The following PIK3CG variants were observed in gnomAD, a reference collection of about 807,000 sequenced individuals.
PIK3CG encodes phosphatidylinositol-4,5-bisphosphate 3-kinase catalytic subunit gamma, also known as phosphatidylinositol 4,5-bisphosphate 3-kinase catalytic subunit gamma isoform.
PIK3CG carries 55 observed loss-of-function variants against 102.3 expected under a neutral mutation model. The observed-to-expected ratio is 0.54, with a 90% CI of 0.43 to 0.67. PIK3CG has a LOEUF of 0.67. Among genes scored for constraint, PIK3CG ranks in the 30% least tolerant of loss-of-function variants. The pLI is 0.00. For synonymous variants in PIK3CG, 552 were observed against 540.0 expected (o/e 1.02, Z -0.31); for missense variants, 1,258 against 1,391.8 (o/e 0.90, Z 1.53).
chr7:106,907,626 GA>G lies in PIK3CG; in HGVS notation c.*2246del, dbSNP rs1377557048. On this transcript the variant is annotated 3_prime_UTR_variant, in exon 11 of 11. Transcript: ENST00000496166. ...ATTGCTGAAATAATTTATTGATGAT[GA>G]AAAAAAGATTAGAGAGGAATACATT... is the stretch of plus-strand genomic sequence containing the variant. 2.3e-4 allele frequency among the ~76,000 whole-genome samples: 34 copies of G among 150,534 alleles called. No individual in the cohort carries two copies. Among genetic ancestry groups the G allele is most frequent in the Admixed American group, 1.9e-3 (29 of 14,978 alleles).
rs1417406890 is a variant in PIK3CG, at chr7:106,879,528, T to C, written c.2401T>C (p.Cys801Arg). The C allele has an allele frequency of 6.2e-7, 1 of 1,613,368 alleles. No homozygotes were observed. The highest frequency in any genetic ancestry group is 1.7e-5 in the Admixed American group (1 of 59,960). ...GACTGCTTCCTTACAGATTGAAAAA[T>C]GTAAAGTAATGGCCTCCAAGAAAAA... Reference protein sequence around the residue: ...LKAGALAIEKCKVMASKKKPL... With the variant: ...LKAGALAIEKRKVMASKKKPL... The change falls in exon 6 of 11, where the codon TGT becomes CGT. Residue 801 changes from cysteine (C) to arginine (R), a missense_variant. Physicochemically the swap from Cys to Arg is radical, Grantham distance 180. Coordinates refer to ENST00000496166, the MANE Select transcript of PIK3CG (RefSeq NM_001282426.2). This position sits in a 1 kb window ranked among gnomAD's most constrained non-coding sequence, Gnocchi z 4.9.
rs1382624271 is a variant in PIK3CG, at chr7:106,879,887, C to T, written c.2538+222C>T. Among the ~76,000 whole-genome samples, 3 of 152,172 alleles carry T rather than the reference C, an allele frequency of 2.0e-5. No individual in the cohort carries two copies. The East Asian group carries it at 5.8e-4, about 29-fold the overall frequency. ...GGTTCTGTCCAAGTTGCATATCTAA[C>T]ACTCCCAAGTAGCCAGATATACCTC... is the stretch of plus-strand genomic sequence containing the variant. On this transcript the variant is annotated intron_variant, in intron 6 of 10. Coordinates refer to ENST00000496166, the MANE Select transcript of PIK3CG (RefSeq NM_001282426.2). The surrounding 1 kb of genome is among the most constrained non-coding windows in gnomAD (Gnocchi z 4.9).
intron 2 of PIK3CG, among the ~76,000 whole-genome samples, chr7:106,871,820 C>A (rs1397354992): frequency 6.6e-6 from 1 of 152,138 alleles, no homozygotes; most frequent in Non-Finnish European, 1.5e-5. Context: ...TGTACTAAGT[C>A]AATATTCTCT....
chr7:106,905,982 A>C lies in PIK3CG; in HGVS notation c.*595A>C, dbSNP rs777237739. The C allele has an allele frequency of 3.1e-5, 7 of 228,280 alleles. No homozygotes were observed. The highest frequency in any genetic ancestry group is 6.1e-5 in the Non-Finnish European group (7 of 115,296). 14.1% of individuals were successfully genotyped at this position (228,280 alleles called of 1,614,324 possible). On this transcript the variant is annotated 3_prime_UTR_variant, in exon 11 of 11. Transcript: ENST00000496166. The surrounding 1 kb of genome is among the most constrained non-coding windows in gnomAD (Gnocchi z 5.6). ...CTGAGACACACAAACACAGCAGGAG[A>C]AATCTAAACCGTTGTGCCTTGACCT... is the stretch of plus-strand genomic sequence containing the variant.
At chr7:106,886,021 T>C (rs758412284) in intron 9 of PIK3CG, 114 bp from the exon 10 acceptor site, 8 of 900,962 alleles carry the variant, frequency 8.9e-6, no homozygotes, top group Admixed American at 2.5e-5. Flanking sequence ...CTGACAAACA[T>C]TGTAAAAAAT....
At chr7:106,870,771 C>T (rs535887365) in intron 2 of PIK3CG, among the ~76,000 whole-genome samples, 8 of 152,310 alleles carry the variant, frequency 5.3e-5, no homozygotes, top group African/African-American at 1.9e-4. Flanking sequence ...ATAGCCTCAA[C>T]TTAAACTCTC....
At position 106,869,462 on chromosome 7, in the gene PIK3CG, A is replaced by C. The variant is rs370109310; in HGVS notation, c.1901A>C (p.Asn634Thr). The C allele has an allele frequency of 6.2e-7, 1 of 1,614,230 alleles. No homozygotes were observed. The highest frequency in any genetic ancestry group is 2.2e-5 in the East Asian group (1 of 44,890). The change falls in exon 2 of 11, where the codon AAC (asparagine) becomes ACC (threonine). Residue 634 changes from asparagine to threonine, a missense_variant. By Grantham distance (65) the Asn-to-Thr change is moderately conservative. Transcript: ENST00000496166. This position sits in a 1 kb window ranked among gnomAD's most constrained non-coding sequence, Gnocchi z 5.3. The part of the protein sequence containing the change: ...VGLTMQLLDC[N>T]FSDENVRAIA... ...TTAACAATGCAGCTCCTGGACTGCA[A>C]CTTCTCAGATGAAAATGTAAGAGCC...
At position 106,895,101 on chromosome 7, in the gene PIK3CG, G is replaced by T. The variant is rs1470514643; in HGVS notation, c.3030+8809G>T. 6.6e-6 allele frequency among the ~76,000 whole-genome samples: 1 copy of T among 152,162 alleles called. No homozygotes were observed. The highest frequency in any genetic ancestry group is 1.5e-5 in the Non-Finnish European group (1 of 68,030). On this transcript the variant is annotated intron_variant, in intron 10 of 10. Transcript: ENST00000496166. The surrounding 1 kb of genome is among the most constrained non-coding windows in gnomAD (Gnocchi z 5.4). The stretch of plus-strand genomic sequence containing the variant: ...CTAATGGAGAATGTTCTAGCTAATG[G>T]CATTAATAATAATGTAATGTTCCCC...
Position 106,872,926 on chromosome 7 carries a change from G to A in PIK3CG, c.2275G>A (p.Val759Ile), listed in dbSNP as rs765080806. The A allele has an allele frequency of 2.9e-5, 46 of 1,611,304 alleles. No individual in the cohort carries two copies. Among genetic ancestry groups the A allele is most frequent in the South Asian group, 1.5e-4 (14 of 91,028 alleles). The change falls in exon 4 of 11, where the codon GTC (valine) becomes ATC (isoleucine). Residue 759 changes from valine to isoleucine, a missense_variant. Val to Ile is a conservative substitution (Grantham distance 29, BLOSUM62 3). Around this residue, in one of 2 missense-constraint regions of PIK3CG, gnomAD observed 426 missense variants for 604.2 expected, o/e 0.71. Transcript: ENST00000496166. The surrounding 1 kb of genome is among the most constrained non-coding windows in gnomAD (Gnocchi z 5.3). ...ATCGCTCTCTGCTGAAAAGTATGAC[G>A]TCAGTTCCCAAGGTACGGTGGCTAT... ...IKSLSAEKYD[V>I]SSQVISQLKQ...
Position 106,900,897 on chromosome 7 carries a change from T to C in PIK3CG, c.3031-4212T>C, listed in dbSNP as rs556891774. On this transcript the variant is annotated intron_variant, in intron 10 of 10. Transcript: ENST00000496166. Reference sequence around the variant, plus strand: ...TTGAATATAGGCCCCAAATCTCTTCTGGCTTGTAGGGTTTCAGTGGAGAGG... The same window carrying C: ...TTGAATATAGGCCCCAAATCTCTTCCGGCTTGTAGGGTTTCAGTGGAGAGG... Among the ~76,000 whole-genome samples, 5 of 152,222 alleles carry C rather than the reference T, an allele frequency of 3.3e-5. No individual in the cohort carries two copies. The East Asian group carries it at 9.6e-4, about 29-fold the overall frequency.
rs1408553113 is a variant in PIK3CG at position 106,892,653 on chromosome 7, GCAA to G, written c.3030+6362_3030+6364del. Among the ~76,000 whole-genome samples the G allele has an allele frequency of 2.6e-5, 4 of 152,198 alleles. No individual in the cohort carries two copies. The highest frequency in any genetic ancestry group is 5.9e-5 in the Non-Finnish European group (4 of 68,026). Reference sequence around the variant, plus strand: ...CAATAGAGCATGGCCCCAGAACATGGCAAGAAAGCTACTTACACAACTTTGTGC... The same window carrying G: ...CAATAGAGCATGGCCCCAGAACATGGGAAAGCTACTTACACAACTTTGTGC... On this transcript the variant is annotated intron_variant, in intron 10 of 10. Transcript: ENST00000496166. This position sits in a 1 kb window ranked among gnomAD's most constrained non-coding sequence, Gnocchi z 5.2.
chr7:106,884,952 C>T lies in PIK3CG; in HGVS notation c.2872+686C>T, dbSNP rs1791042644. Among the ~76,000 whole-genome samples, 1 of 152,162 alleles carries T rather than the reference C, an allele frequency of 6.6e-6. No individual in the cohort carries two copies. The highest frequency in any genetic ancestry group is 6.5e-5 in the Admixed American group (1 of 15,280). ...AGGGGTGCACAGTCTAGATCTTTCT[C>T]GTGCACAGTTCACAATAGGGTTTGT... On this transcript the variant is annotated intron_variant, in intron 9 of 10. Transcript: ENST00000496166. The surrounding 1 kb of genome is among the most constrained non-coding windows in gnomAD (Gnocchi z 4.2).
intron 10 of PIK3CG, among the ~76,000 whole-genome samples, chr7:106,904,194 T>C (rs932527932): frequency 6.6e-6 from 1 of 152,200 alleles, no homozygotes; most frequent in African/African-American, 2.4e-5. Context: ...AAATCAAAAA[T>C]AGATGTTAAT....
intron 10 of PIK3CG, among the ~76,000 whole-genome samples, chr7:106,901,015 A>G (rs1031237514): frequency 4.6e-5 from 7 of 152,138 alleles, no homozygotes; most frequent in African/African-American, 1.7e-4. Flanking sequence ...GACCTTGGAA[A>G]ATCTGATGAT....
rs897821043 is a variant in PIK3CG, at chr7:106,907,032, G to T, written c.*1645G>T. On this transcript the variant is annotated 3_prime_UTR_variant, in exon 11 of 11. Transcript: ENST00000496166. The stretch of plus-strand genomic sequence containing the variant: ...GGTACTCAGGAGGCTGAGGCAGGAG[G>T]ATTGCCTGAGCCCAGGAGGTGGAAA... The T allele has an allele frequency of 2.8e-4, 58 of 205,260 alleles. No homozygotes were observed. The highest frequency in any genetic ancestry group is 1.3e-3 in the African/African-American group (55 of 43,764). 12.7% of individuals were successfully genotyped at this position (205,260 alleles called of 1,614,324 possible). A position where few individuals can be genotyped will look rare whatever the true frequency, so the allele number is the denominator to read the frequency against.
rs778247720 is a variant in PIK3CG at position 106,868,187 on chromosome 7, A to T, written c.626A>T (p.Glu209Val). The T allele has an allele frequency of 1.2e-6, 2 of 1,612,302 alleles. No individual in the cohort carries two copies. The highest frequency in any genetic ancestry group is 1.3e-5 in the African/African-American group (1 of 74,934). The stretch of plus-strand genomic sequence containing the variant: ...TGGGTGACGTCCAAGCCCCTCCCGG[A>T]GTACCTGTGGAAGAAGATTGCCAAC... ...HPWVTSKPLP[E>V]YLWKKIANNC... is the part of the protein sequence containing the mutation. Residue 209 changes from glutamate to valine, a missense_variant, in exon 2 of 11, where the codon GAG becomes GTG. Around this residue, in one of 2 missense-constraint regions of PIK3CG, gnomAD observed 832 missense variants for 787.5 expected, o/e 1.06. Transcript: ENST00000496166. The surrounding 1 kb of genome is among the most constrained non-coding windows in gnomAD (Gnocchi z 6.2).
rs1791324908 is a variant in PIK3CG, at chr7:106,893,718, G to GA, written c.3030+7428dup. Among the ~76,000 whole-genome samples, 2 of 152,182 alleles carry GA rather than the reference G, an allele frequency of 1.3e-5. No individual in the cohort carries two copies. Among genetic ancestry groups the GA allele is most frequent in the African/African-American group, 4.8e-5 (2 of 41,448 alleles). ...TGTCCTTTTAGCTAGAGATATATTT[G>GA]AAGACTTCCTATAGCAAGTACTGTC... On this transcript the variant is annotated intron_variant, in intron 10 of 10. Transcript: ENST00000496166. This position sits in a 1 kb window ranked among gnomAD's most constrained non-coding sequence, Gnocchi z 4.4.
rs1254789149 is a variant in PIK3CG at position 106,874,098 on chromosome 7, G to T, written c.2288-602G>T. ...TACAATGCTTCCTCCTAAAAATGAT[G>T]ATGGTAATAATAATATTTTATTTGC... On this transcript the variant is annotated intron_variant, in intron 4 of 10. Transcript: ENST00000496166. The surrounding 1 kb of genome is among the most constrained non-coding windows in gnomAD (Gnocchi z 4.3). 6.6e-6 allele frequency among the ~76,000 whole-genome samples: 1 copy of T among 152,072 alleles called. No individual in the cohort carries two copies. The highest frequency in any genetic ancestry group is 2.4e-5 in the African/African-American group (1 of 41,408).
rs777578185 is a variant in PIK3CG, at chr7:106,868,057, A to T, written c.496A>T (p.Ser166Cys). The T allele has an allele frequency of 6.2e-6, 10 of 1,612,948 alleles. No homozygotes were observed. In the South Asian group the frequency reaches 8.8e-5, roughly 14 times the overall value. ...ALIGYDVTDV[S>C]NVHDDELEFT... The stretch of plus-strand genomic sequence containing the variant: ...GATTGGCTATGACGTCACTGACGTC[A>T]GCAACGTGCACGACGATGAGCTGGA... Residue 166 changes from serine to cysteine, a missense_variant, in exon 2 of 11, where the codon AGC becomes TGC. Around this residue, in one of 2 missense-constraint regions of PIK3CG, gnomAD observed 832 missense variants for 787.5 expected, o/e 1.06. Transcript: ENST00000496166. The surrounding 1 kb of genome is among the most constrained non-coding windows in gnomAD (Gnocchi z 6.2).
Sources: allele counts gnomAD v4.1 joint callset (sites outside exome capture counted in the v4.1 genomes callset), GRCh38; gene constraint gnomAD v4.1.1; regional missense constraint gnomAD v4.1.1; non-coding constraint Gnocchi (gnomAD v3.1); transcripts MANE v1.5; gene names NCBI Gene and HGNC (gene_info 2026-07-23, HGNC 2026-07-21).